The following PLPP3 variants were observed in gnomAD, a reference collection of about 807,000 sequenced individuals.
PLPP3 encodes PAP2 beta.
Under a neutral mutation model 29.6 loss-of-function variants are expected in PLPP3, and 6 were observed. The observed-to-expected ratio is 0.20, with a 90% CI of 0.11 to 0.40. The LOEUF (loss-of-function observed/expected upper bound fraction) is 0.40, where lower values mean the gene tolerates loss of function less well. Among genes scored for constraint, PLPP3 ranks in the 10% least tolerant of loss-of-function variants. The pLI, the probability that PLPP3 is intolerant of heterozygous loss-of-function variation, is 1.00. For missense variants in PLPP3, 308 were observed against 407.7 expected (o/e 0.76, Z 2.11); for synonymous variants, 152 against 159.7 (o/e 0.95, Z 0.36).
chr1:56,574,549 C>T (rs2100313465), intron 1 of PLPP3, among the ~76,000 whole-genome samples: 2 of 152,266 alleles, frequency 1.3e-5, no homozygotes, highest in Admixed American at 6.5e-5. Flanking sequence ...GCCACTGCAC[C>T]CAACGAGGCT....
intron 5 of PLPP3, among the ~76,000 whole-genome samples, chr1:56,506,327 T>C (rs903111406): frequency 6.6e-6 from 1 of 152,092 alleles, no homozygotes; most frequent in Non-Finnish European, 1.5e-5. Flanking sequence ...TTTGCAGGGG[T>C]TGTCATCGCT....
At chr1:56,520,640 G>GT (rs199637939) in intron 4 of PLPP3, among the ~76,000 whole-genome samples, 1 of 146,874 alleles carries the variant, frequency 6.8e-6, no homozygotes, top group Non-Finnish European at 1.5e-5. Flanking sequence ...GAGGTGGGTG[G>GT]TGGCTCATGC....
intron 1 of PLPP3, among the ~76,000 whole-genome samples, chr1:56,571,770 GCAAT>G (rs71873501): frequency 0.038 from 5,719 of 152,178 alleles, 378 homozygotes; most frequent in African/African-American, 0.13. Flanking sequence ...TGCATTAATT[GCAAT>G]CAATTAATTG....
At chr1:56,503,479 G>A (rs1415558840) in intron 5 of PLPP3, among the ~76,000 whole-genome samples, 1 of 152,064 alleles carries the variant, frequency 6.6e-6, no homozygotes, top group Non-Finnish European at 1.5e-5. Flanking sequence ...ACTTCAGGTG[G>A]GGAGTTCGAG....
intron 2 of PLPP3, among the ~76,000 whole-genome samples, chr1:56,532,381 T>C (rs921919040): frequency 6.6e-6 from 1 of 152,102 alleles, no homozygotes; most frequent in Non-Finnish European, 1.5e-5. Flanking sequence ...CAACTGCACA[T>C]TTTTCAGAGT....
intron 1 of PLPP3, among the ~76,000 whole-genome samples, chr1:56,565,801 T>C (rs1193564502): frequency 6.6e-6 from 1 of 152,180 alleles, no homozygotes; most frequent in Non-Finnish European, 1.5e-5. Flanking sequence ...TTAGAGCTGA[T>C]GGTCCATTCT....
chr1:56,549,559 T>C (rs116777362), intron 1 of PLPP3, among the ~76,000 whole-genome samples: 3,934 of 152,342 alleles, frequency 0.026, 62 homozygotes, highest in South Asian at 0.095. Flanking sequence ...AGAGTTTTCA[T>C]CTTTATCCAA....
chr1:56,522,020 G>A (rs1468862829), intron 4 of PLPP3, among the ~76,000 whole-genome samples: 1 of 152,212 alleles, frequency 6.6e-6, no homozygotes, highest in East Asian at 1.9e-4. Context: ...ACCTGAAGAG[G>A]TCTGGTTTTT....
chr1:56,508,418 C>T (rs548996041), intron 5 of PLPP3, among the ~76,000 whole-genome samples: 17 of 152,258 alleles, frequency 1.1e-4, no homozygotes, highest in Admixed American at 9.2e-4. Flanking sequence ...ACAGGGAGTC[C>T]GTAAAGGCTT....
At chr1:56,497,513 A>G (rs1645638060) in intron 5 of PLPP3, among the ~76,000 whole-genome samples, 1 of 152,248 alleles carries the variant, frequency 6.6e-6, no homozygotes, top group Admixed American at 6.5e-5. Context: ...CCATTTAGCA[A>G]CAGGAGTTTT....
chr1:56,520,882 G>C (rs1219001313), intron 4 of PLPP3, among the ~76,000 whole-genome samples: 1 of 119,126 alleles, frequency 8.4e-6, no homozygotes, highest in Non-Finnish European at 1.6e-5. Context: ...CTGCACTCCA[G>C]CCTGTGCAAC....
chr1:56,530,671 C>T (rs1288789999), intron 2 of PLPP3, among the ~76,000 whole-genome samples: 1 of 152,186 alleles, frequency 6.6e-6, no homozygotes, highest in Non-Finnish European at 1.5e-5. Flanking sequence ...CTCATCTTTA[C>T]CTTAATTAGA....
chr1:56,567,880 G>A (rs753622031), intron 1 of PLPP3, among the ~76,000 whole-genome samples: 4 of 152,032 alleles, frequency 2.6e-5, no homozygotes, highest in Non-Finnish European at 5.9e-5. Flanking sequence ...GCCAAAAAGT[G>A]GAAATCACCC....
intron 1 of PLPP3, among the ~76,000 whole-genome samples, chr1:56,548,130 A>G (rs1646017345): frequency 1.3e-5 from 2 of 152,318 alleles, no homozygotes; most frequent in East Asian, 3.9e-4. Context: ...TGTCACTTGC[A>G]TTGAGCAAGA....
chr1:56,558,599 A>G (rs913436630), intron 1 of PLPP3, among the ~76,000 whole-genome samples: 34 of 152,252 alleles, frequency 2.2e-4, no homozygotes, highest in African/African-American at 2.4e-5. Flanking sequence ...CATGTCAAAG[A>G]GCCCACTGTC....
At chr1:56,522,724 A>C (rs1185128299) in intron 4 of PLPP3, among the ~76,000 whole-genome samples, 1 of 152,218 alleles carries the variant, frequency 6.6e-6, no homozygotes, top group Admixed American at 6.5e-5. Flanking sequence ...CCCAATTCCT[A>C]ATTGTGCTTT....
At chr1:56,571,943 G>C (rs926905131) in intron 1 of PLPP3, among the ~76,000 whole-genome samples, 11 of 149,946 alleles carry the variant, frequency 7.3e-5, no homozygotes, top group African/African-American at 2.7e-4. Flanking sequence ...TGATTGGCCT[G>C]TATAATAAAT....
chr1:56,564,811 G>T (rs749346126), intron 1 of PLPP3, among the ~76,000 whole-genome samples: 2 of 152,160 alleles, frequency 1.3e-5, no homozygotes, highest in Non-Finnish European at 2.9e-5. Context: ...AATCCCTCCT[G>T]CGGTGTCACT....
rs1553137992 is a variant in PLPP3, at chr1:56,538,960, A to AAAAAAAAAAAAAACAAAAC, written c.140-1849_140-1848insGTTTTGTTTTTTTTTTTTT. ...AATAAATACAAGACTTCTGGGCTGC[A>AAAAAAAAAAAAAACAAAAC]AAAAAAAAAAACACAGTGGATAATA... is the stretch of plus-strand genomic sequence containing the variant. On this transcript the variant is annotated intron_variant, in intron 1 of 5. Coordinates refer to ENST00000371250, the MANE Select transcript of PLPP3 (RefSeq NM_003713.5). 1.3e-4 allele frequency: 9 copies of AAAAAAAAAAAAAACAAAAC among 68,064 alleles called. No individual in the cohort carries two copies. The East Asian group carries it at 1.7e-3, about 13-fold the overall frequency. 4.2% of individuals were successfully genotyped at this position (68,064 alleles called of 1,614,324 possible).
Sources: gnomAD v4.1 joint callset for allele counts (sites outside exome capture counted in the v4.1 genomes callset) on GRCh38, gnomAD v4.1.1 for gene constraint, MANE v1.5 for transcripts, NCBI Gene and HGNC (gene_info 2026-07-23, HGNC 2026-07-21) for gene names.